The following EPB41L4A variants were observed in gnomAD, a reference collection of about 807,000 sequenced individuals.
EPB41L4A encodes erythrocyte membrane protein band 4.1 like 4A.
In EPB41L4A, 100 loss-of-function variants were observed where a neutral mutation model predicts 108.6. The ratio of observed to expected loss-of-function variants is 0.92; its 90% CI spans 0.78 to 1.09. The LOEUF (loss-of-function observed/expected upper bound fraction) is 1.09, where lower values mean the gene tolerates loss of function less well. Among genes scored for constraint, EPB41L4A ranks in the 50% least tolerant of loss-of-function variants. EPB41L4A has a pLI of 0.00. For synonymous variants in EPB41L4A, 319 were observed against 289.0 expected (o/e 1.10, Z -1.05); for missense variants, 1,030 against 842.7 (o/e 1.22, Z -2.75).
At chr5:112,244,601 G>T (rs533870078) in intron 9 of EPB41L4A, among the ~76,000 whole-genome samples, 47 of 152,322 alleles carry the variant, frequency 3.1e-4, no homozygotes, top group Non-Finnish European at 2.5e-4. Context: ...GGTTTCATCA[G>T]ATATGATGTC....
At chr5:112,168,926 T>A in intron 21 of EPB41L4A, 69 bp downstream of exon 21, 1 of 1,495,704 alleles carries the variant, frequency 6.7e-7, no homozygotes, top group Non-Finnish European at 9.3e-7. Flanking sequence ...CATCAGCAAG[T>A]AAAGTTCTTT....
chr5:112,237,596 C>T (rs1749442737), intron 11 of EPB41L4A, among the ~76,000 whole-genome samples: 1 of 152,130 alleles, frequency 6.6e-6, no homozygotes, highest in African/African-American at 2.4e-5. Flanking sequence ...TCTTTAAAAG[C>T]CTGCAGGGTG....
intron 2 of EPB41L4A, among the ~76,000 whole-genome samples, chr5:112,285,466 T>A (rs1753224879): frequency 6.6e-6 from 1 of 152,208 alleles, no homozygotes; most frequent in African/African-American, 2.4e-5. Flanking sequence ...TAAACAGATC[T>A]ATGGCCCTCT....
intron 16 of EPB41L4A, 121 bp from the exon 17 acceptor site, chr5:112,194,766 T>C (rs1486634058): frequency 1.7e-6 from 1 of 594,674 alleles, no homozygotes; most frequent in Non-Finnish European, 2.9e-6. Context: ...AATCCAAACA[T>C]CAAGAGCTGT....
chr5:112,152,662 A>C (rs1759511360), intron 12 of EPB41L4A, among the ~76,000 whole-genome samples: 1 of 152,170 alleles, frequency 6.6e-6, no homozygotes, highest in Admixed American at 6.5e-5. Context: ...TACCCAGTCT[A>C]AGTTACTTTG....
intron 22 of EPB41L4A, among the ~76,000 whole-genome samples, chr5:112,167,371 C>G (rs749573389): frequency 1.3e-5 from 2 of 152,160 alleles, no homozygotes; most frequent in Non-Finnish European, 2.9e-5. Flanking sequence ...TTTGGACAAC[C>G]TATTAGCTCT....
chr5:112,158,452 CAA>C (rs1759725886), downstream of EPB41L4A: 1 of 426,424 alleles, frequency 2.3e-6, no homozygotes, highest in Admixed American at 2.6e-5. Flanking sequence ...CCTAAGGGAA[CAA>C]ATATCAGAGG....
chr5:112,393,193 G>A (rs1174504827), intron 1 of EPB41L4A, among the ~76,000 whole-genome samples: 1 of 152,052 alleles, frequency 6.6e-6, no homozygotes, highest in African/African-American at 2.4e-5. Flanking sequence ...AGAGAAGCAA[G>A]AGCAAACACA....
At chr5:112,361,714 AATAAT>A (rs1561607753) in intron 1 of EPB41L4A, among the ~76,000 whole-genome samples, 26 of 114,176 alleles carry the variant, frequency 2.3e-4, no homozygotes, top group East Asian at 5.5e-4. Flanking sequence ...AAAAAAAAAT[AATAAT>A]AATAATAATA....
intron 9 of EPB41L4A, among the ~76,000 whole-genome samples, chr5:112,252,079 G>C (rs914270934): frequency 9.2e-5 from 14 of 152,014 alleles, no homozygotes; most frequent in African/African-American, 2.9e-4. Context: ...GGAAGCCAAG[G>C]TTCTCATGGC....
intron 9 of EPB41L4A, among the ~76,000 whole-genome samples, chr5:112,242,214 T>C (rs1384409338): frequency 9.9e-5 from 15 of 152,244 alleles, no homozygotes; most frequent in South Asian, 2.1e-4. Flanking sequence ...TGACCCACAG[T>C]AGAACTTCTT....
chr5:112,402,198 A>G (rs554025939), intron 1 of EPB41L4A, among the ~76,000 whole-genome samples: 8 of 152,162 alleles, frequency 5.3e-5, no homozygotes, highest in African/African-American at 1.9e-4. Context: ...AAAAGTGTGT[A>G]GCACCTCCTC....
chr5:112,224,171 T>C (rs1748285811), intron 12 of EPB41L4A, among the ~76,000 whole-genome samples: 1 of 152,098 alleles, frequency 6.6e-6, no homozygotes, highest in South Asian at 2.1e-4. Flanking sequence ...AGGCTGGTCT[T>C]ACACTCCTGA....
At chr5:112,239,020 G>A (rs985109434) in intron 11 of EPB41L4A, among the ~76,000 whole-genome samples, 9 of 152,166 alleles carry the variant, frequency 5.9e-5, no homozygotes, top group African/African-American at 2.2e-4. Flanking sequence ...GAGCGCCAGG[G>A]GATGGATCCC....
At chr5:112,409,090 T>C (rs1561653001) in intron 1 of EPB41L4A, among the ~76,000 whole-genome samples, 1 of 152,052 alleles carries the variant, frequency 6.6e-6, no homozygotes, top group Admixed American at 6.6e-5. Context: ...CAAAAGACCA[T>C]CGACTGATGA....
intron 1 of EPB41L4A, among the ~76,000 whole-genome samples, chr5:112,358,275 T>C (rs975654339): frequency 6.6e-6 from 1 of 152,236 alleles, no homozygotes; most frequent in African/African-American, 2.4e-5. Flanking sequence ...CATACACACA[T>C]GAATTTATTT....
chr5:112,415,024 A>C (rs1762627049), intron 1 of EPB41L4A, among the ~76,000 whole-genome samples: 1 of 152,238 alleles, frequency 6.6e-6, no homozygotes, highest in Admixed American at 6.5e-5. Context: ...ATGAGTATTC[A>C]CATATAAACT....
At chr5:112,322,656 G>A (rs1755872288) in intron 1 of EPB41L4A, among the ~76,000 whole-genome samples, 1 of 151,648 alleles carries the variant, frequency 6.6e-6, no homozygotes, top group South Asian at 2.1e-4. Context: ...CCATACCTCA[G>A]CTGATGGGTC....
chr5:112,403,397 T>C (rs184008504), intron 1 of EPB41L4A, among the ~76,000 whole-genome samples: 13 of 150,970 alleles, frequency 8.6e-5, no homozygotes, highest in Admixed American at 7.9e-4. Flanking sequence ...ATTAACTTAA[T>C]GTCTTCATCA....
Sources: gnomAD v4.1 joint callset for allele counts (sites outside exome capture counted in the v4.1 genomes callset) on GRCh38, gnomAD v4.1.1 for gene constraint, MANE v1.5 for transcripts, NCBI Gene and HGNC (gene_info 2026-07-23, HGNC 2026-07-21) for gene names.